Variants in CCSER1 observed in about 807,000 individuals in gnomAD.
CCSER1 encodes serine-rich coiled-coil domain-containing protein 1.
A neutral mutation model predicts 82.0 loss-of-function variants in CCSER1; 41 were observed. The observed-to-expected ratio is 0.50, with a 90% CI of 0.39 to 0.65. The LOEUF (loss-of-function observed/expected upper bound fraction) is 0.65, where lower values mean the gene tolerates loss of function less well. CCSER1 is among the 30% of genes least tolerant of loss of function. The pLI is 0.00. For missense variants in CCSER1, 1,119 were observed against 1,064.2 expected, an observed-to-expected ratio of 1.05 and a Z score of -0.72; for synonymous variants, 414 against 383.9, an observed-to-expected ratio of 1.08 and a Z score of -0.92.
intron 9 of CCSER1, among the ~76,000 whole-genome samples, chr4:90,969,814 G>T (rs962968102): frequency 1.3e-5 from 2 of 151,800 alleles, no homozygotes; most frequent in African/African-American, 4.8e-5. Context: ...TAAACTACTT[G>T]TAATTCTAAT....
At chr4:91,383,830 T>C (rs1751096349) in intron 10 of CCSER1, among the ~76,000 whole-genome samples, 1 of 152,164 alleles carries the variant, frequency 6.6e-6, no homozygotes, top group Non-Finnish European at 1.5e-5. Flanking sequence ...TGTTGACATC[T>C]TGAGGGACAA....
At position 91,599,260 on chromosome 4, in the gene CCSER1, C is replaced by A. The variant is rs368053715; in HGVS notation, c.*203C>A. On this transcript the variant is annotated 3_prime_UTR_variant, in exon 11 of 11. Transcript: ENST00000509176. ...TGAAAGTTTGAGCATGTTAATTGAA[C>A]TAGGTTGCATTGCCTTGAAGACTTT... 6 of 576,320 alleles carry A rather than the reference C, an allele frequency of 1.0e-5. No homozygotes were observed. The East Asian group carries it at 1.5e-4, about 14-fold the overall frequency. The allele number at this position is 576,320 out of a possible 1,614,324, so 35.7% of individuals were successfully genotyped here. A position where few individuals can be genotyped will look rare whatever the true frequency, so the allele number is the denominator to read the frequency against.
intron 1 of CCSER1, among the ~76,000 whole-genome samples, chr4:90,250,757 G>A (rs1722244813): frequency 6.6e-6 from 1 of 151,998 alleles, no homozygotes; most frequent in Admixed American, 6.6e-5. Flanking sequence ...AAAGGCAGTT[G>A]GGATTTTGAC....
At chr4:90,355,243 A>T (rs1295551938) in intron 3 of CCSER1, among the ~76,000 whole-genome samples, 2 of 151,962 alleles carry the variant, frequency 1.3e-5, no homozygotes, top group Admixed American at 6.6e-5. Flanking sequence ...TATTTATCAA[A>T]TAGATACATT....
intron 7 of CCSER1, among the ~76,000 whole-genome samples, chr4:90,760,420 T>C (rs903486763): frequency 1.3e-5 from 2 of 152,176 alleles, no homozygotes; most frequent in African/African-American, 4.8e-5. Flanking sequence ...CTTGTCATTT[T>C]AGATCTTTTA....
chr4:91,150,136 G>C (rs1240614346), intron 10 of CCSER1, among the ~76,000 whole-genome samples: 1 of 152,100 alleles, frequency 6.6e-6, no homozygotes, highest in Admixed American at 6.6e-5. Context: ...CCATTTGTTT[G>C]TATCCTCTTT....
intron 3 of CCSER1, among the ~76,000 whole-genome samples, chr4:90,366,231 A>G (rs1236203535): frequency 6.7e-6 from 1 of 149,450 alleles, no homozygotes; most frequent in Non-Finnish European, 1.5e-5. Context: ...TAAATATCTT[A>G]GCAAATACTA....
intron 9 of CCSER1, among the ~76,000 whole-genome samples, chr4:91,035,687 G>A (rs2150565495): frequency 6.6e-6 from 1 of 152,078 alleles, no homozygotes; most frequent in East Asian, 1.9e-4. Context: ...AAAAAGCAAA[G>A]TAGTAGGTAA....
At chr4:90,489,477 A>T (rs565499056) in intron 5 of CCSER1, among the ~76,000 whole-genome samples, 2 of 152,132 alleles carry the variant, frequency 1.3e-5, no homozygotes, top group Non-Finnish European at 2.9e-5. Flanking sequence ...TTGGGCAAAG[A>T]GGGAAATTAT....
chr4:90,481,213 T>C (rs938425522), intron 5 of CCSER1, among the ~76,000 whole-genome samples: 5 of 152,254 alleles, frequency 3.3e-5, no homozygotes, highest in African/African-American at 1.2e-4. Flanking sequence ...TTTTTGCACA[T>C]TGATTTTGTA....
rs140101046 is a variant in CCSER1, at chr4:90,325,091, A to G, written c.1509+12044A>G. ...CCTTCACATGTTATTAAAACCAGGT[A>G]CTATGATTGCTCACCTGACTTTTGG... On this transcript the variant is annotated intron_variant, in intron 3 of 10. Transcript: ENST00000509176. Among the ~76,000 whole-genome samples, 460 of 152,292 alleles carry G rather than the reference A, an allele frequency of 3.0e-3. 4 individuals carry two copies. Among genetic ancestry groups the G allele is most frequent in the African/African-American group, 0.01 (435 of 41,576 alleles).
intron 10 of CCSER1, among the ~76,000 whole-genome samples, chr4:91,509,864 T>C (rs1418711217): frequency 6.6e-6 from 1 of 152,182 alleles, no homozygotes; most frequent in Non-Finnish European, 1.5e-5. Context: ...TTTCAACTTT[T>C]ATTTTAGATT....
At chr4:90,519,797 T>C (rs1437278062) in intron 5 of CCSER1, among the ~76,000 whole-genome samples, 1 of 152,034 alleles carries the variant, frequency 6.6e-6, no homozygotes, top group African/African-American at 2.4e-5. Flanking sequence ...CAAAAGATCA[T>C]TTACATTTCA....
intron 8 of CCSER1, among the ~76,000 whole-genome samples, chr4:90,820,275 T>C (rs1172065462): frequency 6.6e-6 from 1 of 152,248 alleles, no homozygotes; most frequent in Non-Finnish European, 1.5e-5. Flanking sequence ...TACCACTGTA[T>C]GTTTTGGTCT....
intron 3 of CCSER1, among the ~76,000 whole-genome samples, chr4:90,324,957 A>G (rs1053678516): frequency 6.6e-6 from 1 of 152,020 alleles, no homozygotes; most frequent in Non-Finnish European, 1.5e-5. Flanking sequence ...TTTTTCTCAG[A>G]TTTGTCAAAG....
intron 9 of CCSER1, among the ~76,000 whole-genome samples, chr4:90,944,070 C>G (rs1160016234): frequency 1.3e-5 from 2 of 151,538 alleles, no homozygotes; most frequent in African/African-American, 4.8e-5. Context: ...CCCGTCGCTA[C>G]TAAAATACAA....
intron 8 of CCSER1, among the ~76,000 whole-genome samples, chr4:90,899,285 T>C (rs1015960038): frequency 2.0e-5 from 3 of 152,156 alleles, no homozygotes; most frequent in African/African-American, 7.2e-5. Flanking sequence ...ATACAATTGA[T>C]TTTGGGTACA....
chr4:90,137,790 C>T lies in CCSER1; in HGVS notation c.-42+9959C>T, dbSNP rs146331273. ...TCTCTTGCAAAAATGCAAAACATGC[C>T]GTTTTTGTTTACGTTAATCATAGAG... is the stretch of plus-strand genomic sequence containing the variant. On this transcript the variant is annotated intron_variant, in intron 1 of 10. Transcript: ENST00000509176. Among the ~76,000 whole-genome samples, 8 of 152,228 alleles carry T rather than the reference C, an allele frequency of 5.3e-5. No individual in the cohort carries two copies. The East Asian group carries it at 1.4e-3, about 26-fold the overall frequency.
chr4:90,546,199 T>C (rs920733295), intron 5 of CCSER1, among the ~76,000 whole-genome samples: 1 of 152,148 alleles, frequency 6.6e-6, no homozygotes, highest in Non-Finnish European at 1.5e-5. Context: ...CTAATACTTT[T>C]CTTCTAAGTT....
Sources: gnomAD v4.1 joint callset for allele counts (sites outside exome capture counted in the v4.1 genomes callset) on GRCh38, gnomAD v4.1.1 for gene constraint, MANE v1.5 for transcripts, NCBI Gene and HGNC (gene_info 2026-07-23, HGNC 2026-07-21) for gene names.